The following GSK3A variants were observed in gnomAD, a reference collection of about 807,000 sequenced individuals.
GSK3A encodes glycogen synthase kinase 3 alpha.
In GSK3A, 14 loss-of-function variants were observed where a neutral mutation model predicts 56.6. That is an observed-to-expected ratio of 0.25 (90% CI 0.16 to 0.39). The LOEUF is 0.39. GSK3A is among the 10% of genes least tolerant of loss of function. The pLI is 1.00. For synonymous variants in GSK3A, 301 were observed against 285.0 expected, an observed-to-expected ratio of 1.06 and a Z score of -0.56; for missense variants, 450 against 656.0, an observed-to-expected ratio of 0.69 and a Z score of 3.43.
chr19:42,238,188 C>T (rs915722174), intron 2 of GSK3A, among the ~76,000 whole-genome samples: 122 of 151,666 alleles, frequency 8.0e-4, no homozygotes, highest in Non-Finnish European at 1.6e-3. Context: ...CCCATCTCTA[C>T]TAAAAATACA....
At chr19:42,241,172 T>A (rs1156640848) in intron 1 of GSK3A, 1 of 152,024 alleles carries the variant, frequency 6.6e-6, no homozygotes, top group Non-Finnish European at 1.5e-5. Context: ...ATTTTTTATA[T>A]TTTTAGTAGA....
In GSK3A at chr19:42,230,751, T is replaced by C. The variant is rs746737243; in HGVS notation, c.*43A>G. ...CTATGGCCCCCCTTCCCAGCCCCTCTTGGGGCTCCCAGATGGAAGTGGAAG... is the reference window on the plus strand; with the variant it reads ...CTATGGCCCCCCTTCCCAGCCCCTCCTGGGGCTCCCAGATGGAAGTGGAAG... On this transcript the variant is annotated 3_prime_UTR_variant, in exon 11 of 11. Coordinates refer to ENST00000222330, the MANE Select transcript of GSK3A (RefSeq NM_019884.3). 1 of 1,446,454 alleles carries C rather than the reference T, an allele frequency of 6.9e-7. No homozygotes were observed. The highest frequency in any genetic ancestry group is 2.5e-5 in the East Asian group (1 of 40,432). The allele number at this position is 1,446,454 out of a possible 1,614,324, so 89.6% of individuals were successfully genotyped here. A position where few individuals can be genotyped will look rare whatever the true frequency, so the allele number is the denominator to read the frequency against.
At chr19:42,237,036 C>G in intron 2 of GSK3A, 95 bp from the exon 3 acceptor site, 1 of 841,754 alleles carries the variant, frequency 1.2e-6, no homozygotes, top group Non-Finnish European at 2.1e-6. Context: ...GGCAGCTACT[C>G]CCTGTGTCCC....
chr19:42,239,381 A>G (rs2036277781), intron 2 of GSK3A, among the ~76,000 whole-genome samples: 1 of 151,960 alleles, frequency 6.6e-6, no homozygotes, highest in Non-Finnish European at 1.5e-5. Context: ...TTAAACACCA[A>G]TTATTCCTCA....
intron 2 of GSK3A, among the ~76,000 whole-genome samples, chr19:42,238,606 C>CAAAAA (rs769150560): frequency 3.0e-5 from 1 of 33,146 alleles, no homozygotes; most frequent in Non-Finnish European, 5.7e-5. Context: ...GACTCCGTCT[C>CAAAAA]AAAAAAAAAA....
At chr19:42,235,232 G>A (rs757746054) in intron 4 of GSK3A, among the ~76,000 whole-genome samples, 5 of 152,088 alleles carry the variant, frequency 3.3e-5, no homozygotes, top group Non-Finnish European at 7.4e-5. Flanking sequence ...GCTGGTCCCC[G>A]GACCACACTC....
Position 42,233,150 on chromosome 19 carries a change from T to C in GSK3A, c.1058A>G (p.Glu353Gly). Residue 353 changes from glutamate (E) to glycine (G), a missense_variant, in exon 8 of 11, where the codon GAG becomes GGG. Physicochemically the swap from Glu to Gly is moderately conservative, Grantham distance 98. Around this residue, in one of 3 missense-constraint regions of GSK3A, gnomAD observed 144 missense variants for 308.0 expected, o/e 0.47. Coordinates refer to ENST00000222330, the MANE Select transcript of GSK3A (RefSeq NM_019884.3). Reference protein sequence around the residue: ...QIREMNPNYTEFKFPQIKAHP... With the variant: ...QIREMNPNYTGFKFPQIKAHP... Reference sequence around the variant, plus strand: ...AGCTTTAATCTGAGGGAACTTGAACTCCGTGTAGTTGGGGTTCATCTCTCG... The same window carrying C: ...AGCTTTAATCTGAGGGAACTTGAACCCCGTGTAGTTGGGGTTCATCTCTCG... 6.2e-7 allele frequency: 1 copy of C among 1,608,384 alleles called. No individual in the cohort carries two copies. The highest frequency in any genetic ancestry group is 8.5e-7 in the Non-Finnish European group (1 of 1,176,868).
intron 1 of GSK3A, 153 bp from the exon 2 acceptor site, chr19:42,240,295 C>T (rs887376291): frequency 2.9e-6 from 2 of 679,838 alleles, no homozygotes; most frequent in Non-Finnish European, 5.3e-6. Flanking sequence ...GATGCTGGGA[C>T]CTTCCCAGTG....
At chr19:42,237,352 T>A (rs1320584560) in intron 2 of GSK3A, among the ~76,000 whole-genome samples, 1 of 149,988 alleles carries the variant, frequency 6.7e-6, no homozygotes, top group Non-Finnish European at 1.5e-5. Flanking sequence ...AGAGATGGGG[T>A]TTCACCACGT....
intron 9 of GSK3A, 59 bp downstream of exon 9, chr19:42,232,437 C>A: frequency 6.6e-7 from 1 of 1,513,722 alleles, no homozygotes; most frequent in African/African-American, 1.4e-5. Context: ...AAGCTCCTCA[C>A]AATCTTTGGC....
chr19:42,238,184 T>C (rs1334859723), intron 2 of GSK3A, among the ~76,000 whole-genome samples: 1 of 151,574 alleles, frequency 6.6e-6, no homozygotes, highest in Non-Finnish European at 1.5e-5. Context: ...AAACCCCATC[T>C]CTACTAAAAA....
In GSK3A at chr19:42,242,262, T is replaced by C; in HGVS notation, c.204A>G (p.Gly68=). Residue 68 remains glycine, a synonymous_variant, in exon 1 of 11, where the codon GGA becomes GGG. Transcript: ENST00000222330. ...TGCCTCCTCCGCCGCTGCCGCCGGG[T>C]CCACCCCCGGAGCTCGAGGCCCCGA... ...GGVGASSSGG[G]PGGSGGGGSG... is the part of the protein sequence containing the mutation. 1 of 1,432,328 alleles carries C rather than the reference T, an allele frequency of 7.0e-7. No individual in the cohort carries two copies. Among genetic ancestry groups the C allele is most frequent in the South Asian group, 1.4e-5 (1 of 72,270 alleles). The allele number at this position is 1,432,328 out of a possible 1,614,324, so 88.7% of individuals were successfully genotyped here.
chr19:42,238,737 G>A (rs993704659), intron 2 of GSK3A, among the ~76,000 whole-genome samples: 12 of 151,508 alleles, frequency 7.9e-5, no homozygotes, highest in Admixed American at 7.2e-4. Flanking sequence ...AGGTGGGGGC[G>A]GATTACTTGA....
Position 42,233,218 on chromosome 19 carries a change from G to A in GSK3A, c.1003-13C>T, listed in dbSNP as rs2146936112. 1.2e-6 allele frequency: 2 copies of A among 1,600,540 alleles called. No homozygotes were observed. Among genetic ancestry groups the A allele is most frequent in the South Asian group, 2.2e-5 (2 of 89,584 alleles). On this transcript the variant is annotated splice_polypyrimidine_tract_variant and intron_variant, in intron 7 of 10. Coordinates refer to ENST00000222330, the MANE Select transcript of GSK3A (RefSeq NM_019884.3). ...GTGTTCCCAGCACCTGTAAAGAGAG[G>A]GAGGGGTCTGAGACAAGGGCCCCAT... is the stretch of plus-strand genomic sequence containing the variant.
chr19:42,232,068 G>T lies in GSK3A; in HGVS notation c.1367C>A (p.Pro456Gln), dbSNP rs759204057. Reference protein sequence around the residue: ...RSPAGTTTLTPSSQALTETPT... With the variant: ...RSPAGTTTLTQSSQALTETPT... ...TGGTCCCCACTTACCTTGTGAGGACGGGGTGAGGGTGGTAGTGCCCGCTGG... is the reference window on the plus strand; with the variant it reads ...TGGTCCCCACTTACCTTGTGAGGACTGGGTGAGGGTGGTAGTGCCCGCTGG... The change falls in exon 10 of 11, where the codon CCG (proline) becomes CAG (glutamine). Residue 456 changes from proline (P) to glutamine (Q), a missense_variant. Transcript: ENST00000222330. 6.3e-7 allele frequency: 1 copy of T among 1,598,650 alleles called. No homozygotes were observed.
chr19:42,236,416 C>T (rs1272756151), intron 4 of GSK3A, among the ~76,000 whole-genome samples, 190 bp downstream of exon 4: 1 of 152,156 alleles, frequency 6.6e-6, no homozygotes, highest in East Asian at 1.9e-4. Flanking sequence ...TCAGTCAGGC[C>T]TTGCCTGCCT....
chr19:42,230,489 G>A lies in GSK3A; in HGVS notation c.*305C>T, dbSNP rs2036215684. ...GGTTCTATTTACAAGGGACACAGGA[G>A]GGGAGGGGGTCTGGAGGAGGTGGAG... On this transcript the variant is annotated 3_prime_UTR_variant, in exon 11 of 11. Coordinates refer to ENST00000222330, the MANE Select transcript of GSK3A (RefSeq NM_019884.3). 1.1e-5 allele frequency: 5 copies of A among 455,832 alleles called. No homozygotes were observed. The East Asian group carries it at 1.8e-4, about 17-fold the overall frequency. The allele number at this position is 455,832 out of a possible 1,614,324, so 28.2% of individuals were successfully genotyped here. A position where few individuals can be genotyped will look rare whatever the true frequency, so the allele number is the denominator to read the frequency against.
intron 10 of GSK3A, 122 bp downstream of exon 10, chr19:42,231,935 C>T: frequency 1.6e-6 from 1 of 607,788 alleles, no homozygotes; most frequent in Non-Finnish European, 3.0e-6. Flanking sequence ...AGATGTGTTT[C>T]CTATGCCATC....
Position 42,233,331 on chromosome 19 carries a change from G to A in GSK3A, c.957C>T (p.Ile319=), listed in dbSNP as rs2036236839. 10 of 1,577,438 alleles carry A rather than the reference G, an allele frequency of 6.3e-6. No homozygotes were observed. Among genetic ancestry groups the A allele is most frequent in the Non-Finnish European group, 8.6e-6 (10 of 1,160,378 alleles). ...GGTCCACCCCACTGTCCCCAGGGAA[G>A]ATGGGCTGGCCCAAGAGGAGCTCTG... ...VLAELLLGQP[I]FPGDSGVDQL... The change falls in exon 7 of 11, where the codon ATC becomes ATT. Residue 319 remains isoleucine (I), a synonymous_variant. Coordinates refer to ENST00000222330, the MANE Select transcript of GSK3A (RefSeq NM_019884.3).
Sources: gnomAD v4.1 joint callset for allele counts (sites outside exome capture counted in the v4.1 genomes callset) on GRCh38, gnomAD v4.1.1 for gene constraint, gnomAD v4.1.1 regional missense constraint, MANE v1.5 for transcripts, NCBI Gene and HGNC (gene_info 2026-07-23, HGNC 2026-07-21) for gene names.